ZNF45: variants seen among roughly 807,000 people sequenced by gnomAD.
ZNF45 encodes the protein zinc finger protein 45, also known as BRC1744.
A neutral mutation model predicts 12.0 loss-of-function variants in ZNF45; 4 were observed. That is an observed-to-expected ratio of 0.33 (90% confidence interval 0.16 to 0.76). ZNF45 has a LOEUF of 0.76. Ranked by LOEUF, ZNF45 falls within the 30% of genes least tolerant of loss-of-function variation. ZNF45 has a pLI of 0.60. For synonymous variants in ZNF45, 272 were observed against 279.6 expected, an observed-to-expected ratio of 0.97 and a Z score of 0.27; for missense variants, 700 against 813.0, an observed-to-expected ratio of 0.86 and a Z score of 1.69.
intron 7 of ZNF45, among the ~76,000 whole-genome samples, chr19:43,920,003 CA>C (rs1972998883): frequency 6.6e-6 from 1 of 152,062 alleles, no homozygotes; most frequent in South Asian, 2.1e-4. Context: ...TGATGTACGA[CA>C]GATTTTCTTT....
At position 43,913,501 on chromosome 19, in the gene ZNF45, A is replaced by G; in HGVS notation, c.1935T>C (p.Cys645=). The G allele has an allele frequency of 6.2e-7, 1 of 1,613,952 alleles. No homozygotes were observed. ...TTGAGCTCCAACTGAAGCCCTTCCC[A>G]CACTCCTCACATTTGTATGGTTTTT... is the stretch of plus-strand genomic sequence containing the variant. ...TGEKPYKCEE[C]GKGFSWSSSL... The change falls in exon 10 of 10, where the codon TGT becomes TGC. Residue 645 remains cysteine, a synonymous_variant. Transcript: ENST00000269973.
At chr19:43,922,024 A>G in intron 7 of ZNF45, 147 bp downstream of exon 7, 1 of 647,908 alleles carries the variant, frequency 1.5e-6, no homozygotes, top group Non-Finnish European at 2.4e-6. Context: ...AAACAACACA[A>G]AAGTAAAAAG....
chr19:43,925,028 T>C (rs367741), intron 4 of ZNF45: 73,808 of 151,970 alleles, frequency 0.49, 18,841 homozygotes, highest in East Asian at 0.81. Context: ...TGTGATGTTA[T>C]TGGGAGGTGG....
chr19:43,914,160 T>C lies in ZNF45; in HGVS notation c.1276A>G (p.Ser426Gly). ...YQCDACGKGF[S>G]RSSDFNIHFR... Reference sequence around the variant, plus strand: ...TGAATGTTAAAATCTGAGCTACGACTGAAGCCCTTACCACATGCATCACAC... The same window carrying C: ...TGAATGTTAAAATCTGAGCTACGACCGAAGCCCTTACCACATGCATCACAC... The change falls in exon 10 of 10, where the codon AGT (serine) becomes GGT (glycine). Residue 426 changes from serine to glycine, a missense_variant. Coordinates refer to ENST00000269973, the MANE Select transcript of ZNF45 (RefSeq NM_003425.4). 1 of 1,608,478 alleles carries C rather than the reference T, an allele frequency of 6.2e-7. No individual in the cohort carries two copies. The highest frequency in any genetic ancestry group is 8.5e-7 in the Non-Finnish European group (1 of 1,175,750).
chr19:43,919,438 A>C, intron 8 of ZNF45, 135 bp downstream of exon 8: 1 of 1,130,052 alleles, frequency 8.8e-7, no homozygotes, highest in Non-Finnish European at 1.2e-6. Context: ...GAAAGACTTT[A>C]AAAATTCCAT....
chr19:43,915,323 C>G (rs947866435), intron 9 of ZNF45, 123 bp from the exon 10 acceptor site: 2 of 989,166 alleles, frequency 2.0e-6, no homozygotes, highest in Non-Finnish European at 2.7e-6. Context: ...GTTCCATTGC[C>G]TACTGCATAG....
At chr19:43,917,952 T>TA (rs1972828393) in intron 9 of ZNF45, among the ~76,000 whole-genome samples, 1 of 152,244 alleles carries the variant, frequency 6.6e-6, no homozygotes, top group Admixed American at 6.5e-5. Context: ...TTCTTTAGTA[T>TA]ATGTTTATTT....
At chr19:43,917,490 ATTTATT>A (rs1318452173) in intron 9 of ZNF45, among the ~76,000 whole-genome samples, 3 of 120,036 alleles carry the variant, frequency 2.5e-5, no homozygotes, top group African/African-American at 7.7e-5. Flanking sequence ...TTTTATTTTT[ATTTATT>A]TTTTTTGAGA....
intron 3 of ZNF45, among the ~76,000 whole-genome samples, chr19:43,927,156 T>C (rs1012254231): frequency 1.3e-5 from 2 of 152,174 alleles, no homozygotes; most frequent in Non-Finnish European, 2.9e-5. Flanking sequence ...ACACTTCCTA[T>C]CCCTCATCTC....
Position 43,922,177 on chromosome 19 carries a change from CT to C in ZNF45, c.8del (p.Lys3SerfsTer6), listed in dbSNP as rs1973240759. 1.2e-6 allele frequency: 2 copies of C among 1,609,856 alleles called. No individual in the cohort carries two copies. The highest frequency in any genetic ancestry group is 3.3e-5 in the Admixed American group (2 of 59,918). Reference protein sequence around the residue: MTKSKEAVTFKDV... With the variant: MTXSKEAVTFKDV... ...AAAGGGAGGTCCAACTCACCTTAGA[CT>C]TCGTCATTTTGTCCTCCTCCTTCTG... On this transcript the variant is annotated frameshift_variant, in exon 7 of 10. Transcript: ENST00000269973. LOFTEE classifies it high-confidence loss of function.
intron 7 of ZNF45, among the ~76,000 whole-genome samples, chr19:43,921,676 A>G (rs1322975876): frequency 6.6e-6 from 1 of 152,228 alleles, no homozygotes; most frequent in Non-Finnish European, 1.5e-5. Flanking sequence ...GGAAAACTGT[A>G]GTAACAATTT....
chr19:43,922,820 GTT>G (rs368057244), intron 6 of ZNF45, among the ~76,000 whole-genome samples: 1,461 of 86,464 alleles, frequency 0.017, 12 homozygotes, highest in African/African-American at 0.059. Flanking sequence ...TAAATTCTTT[GTT>G]TTTTTTTTTT....
At chr19:43,933,904 AT>A (rs1487592246) in intron 2 of ZNF45, among the ~76,000 whole-genome samples, 5 of 152,202 alleles carry the variant, frequency 3.3e-5, no homozygotes, top group African/African-American at 4.8e-5. Context: ...TTCTTTCAAA[AT>A]TTTCTAAAGT....
At chr19:43,929,136 G>C (rs556858537) in intron 3 of ZNF45, among the ~76,000 whole-genome samples, 1 of 152,190 alleles carries the variant, frequency 6.6e-6, no homozygotes, top group East Asian at 1.9e-4. Flanking sequence ...AATGAACCCA[G>C]GCAATCTGAC....
intron 3 of ZNF45, among the ~76,000 whole-genome samples, chr19:43,927,602 G>C (rs1260934980): frequency 6.6e-6 from 1 of 152,160 alleles, no homozygotes; most frequent in Admixed American, 6.5e-5. Flanking sequence ...AAGAAATAAA[G>C]AGATGAAAGG....
Position 43,914,443 on chromosome 19 carries a change from T to C in ZNF45, c.993A>G (p.Pro331=), listed in dbSNP as rs1170569719. 8.1e-6 allele frequency: 13 copies of C among 1,610,656 alleles called. No individual in the cohort carries two copies. In the African/African-American group the frequency reaches 9.4e-5, roughly 12 times the overall value. The change falls in exon 10 of 10, where the codon CCA becomes CCG. Residue 331 remains proline, a synonymous_variant. Coordinates refer to ENST00000269973, the MANE Select transcript of ZNF45 (RefSeq NM_003425.4). ...TCTTGCCACATGCATTGCATTTGTA[T>C]GGTTTCTCGCCAGTGTGGATTCGCT... ...AHERIHTGEK[P]YKCNACGKSF... is the part of the protein sequence containing the mutation.
chr19:43,913,748 T>A lies in ZNF45; in HGVS notation c.1688A>T (p.Lys563Met), dbSNP rs1479105400. 1 of 1,614,186 alleles carries A rather than the reference T, an allele frequency of 6.2e-7. No individual in the cohort carries two copies. The highest frequency in any genetic ancestry group is 8.5e-7 in the Non-Finnish European group (1 of 1,180,032). ...AAAATTGGAGGCCCGACAGAAGCCC[T>A]TCCCACACTCCTCACATTGATAGGG... ...EKPYQCEECGKGFCRASNFLA... is the reference protein window; with the variant it reads ...EKPYQCEECGMGFCRASNFLA... Residue 563 changes from lysine to methionine, a missense_variant, in exon 10 of 10, where the codon AAG (lysine) becomes ATG (methionine). Transcript: ENST00000269973.
rs1231239176 is a variant in ZNF45, at chr19:43,919,585, C to G, written c.130G>C (p.Val44Leu). 6.2e-7 allele frequency: 1 copy of G among 1,612,296 alleles called. No homozygotes were observed. Among genetic ancestry groups the G allele is most frequent in the African/African-American group, 1.3e-5 (1 of 74,826 alleles). ...RDVMLENFRN[V>L]VSVGHQSTPD... ...TGCCTGTCCTCACCCACTGAGACCA[C>G]ATTCCTGAAGTTCTCCAGCATCACA... Residue 44 changes from valine (V) to leucine (L), a missense_variant, in exon 8 of 10, where the codon GTG (valine) becomes CTG (leucine). Val to Leu is a conservative substitution (Grantham distance 32). Coordinates refer to ENST00000269973, the MANE Select transcript of ZNF45 (RefSeq NM_003425.4).
chr19:43,914,207 T>C lies in ZNF45; in HGVS notation c.1229A>G (p.His410Arg). ...ACACTGATACGGTTTCTCTCCAGTATGGCCTCTTTGATGGTCCAGCAGATT... is the reference window on the plus strand; with the variant it reads ...ACACTGATACGGTTTCTCTCCAGTACGGCCTCTTTGATGGTCCAGCAGATT... ...ASNLLDHQRGHTGEKPYQCDA... is the reference protein window; with the variant it reads ...ASNLLDHQRGRTGEKPYQCDA... Residue 410 changes from histidine to arginine, a missense_variant, in exon 10 of 10, where the codon CAT (histidine) becomes CGT (arginine). By Grantham distance (29) the His-to-Arg change is conservative. Coordinates refer to ENST00000269973, the MANE Select transcript of ZNF45 (RefSeq NM_003425.4). 2 of 1,606,858 alleles carry C rather than the reference T, an allele frequency of 1.2e-6. No homozygotes were observed. The highest frequency in any genetic ancestry group is 1.7e-6 in the Non-Finnish European group (2 of 1,174,834).
Sources: allele counts gnomAD v4.1 joint callset (sites outside exome capture counted in the v4.1 genomes callset), GRCh38; gene constraint gnomAD v4.1.1; transcripts MANE v1.5; gene names NCBI Gene and HGNC (gene_info 2026-07-23, HGNC 2026-07-21).